Variants in SYPL1 observed in about 807,000 individuals in gnomAD.
The protein encoded by SYPL1 is synaptophysin like 1, also known as synaptophysin-like protein 1.
Under a neutral mutation model 23.7 loss-of-function variants are expected in SYPL1, and 6 were observed. The ratio of observed to expected loss-of-function variants is 0.25; its 90% CI spans 0.14 to 0.50. SYPL1 has a LOEUF of 0.50. SYPL1 is among the 20% of genes least tolerant of loss of function. SYPL1 has a pLI of 0.98. For missense variants in SYPL1, 253 were observed against 288.9 expected (o/e 0.88, Z 0.90); for synonymous variants, 102 against 104.5 (o/e 0.98, Z 0.15).
At position 106,097,563 on chromosome 7, in the gene SYPL1, C is replaced by G. The variant is rs188936528; in HGVS notation, c.402+127G>C. On this transcript the variant is annotated intron_variant, in intron 3 of 4. Coordinates refer to ENST00000455385, the MANE Select transcript of SYPL1 (RefSeq NM_182715.4). The surrounding 1 kb of genome is among the most constrained non-coding windows in gnomAD (Gnocchi z 4.6). ...AACTTAATGGGAGAAAGCTCAACCT[C>G]GTGGCAAACACAGGCTAAAATATGC... 2.3e-5 allele frequency: 18 copies of G among 781,084 alleles called. No homozygotes were observed. Among genetic ancestry groups the G allele is most frequent in the Non-Finnish European group, 3.4e-5 (18 of 527,718 alleles). 48.4% of individuals were successfully genotyped at this position (781,084 alleles called of 1,614,324 possible).
At position 106,091,293 on chromosome 7, in the gene SYPL1, A is replaced by G. The variant is rs1338359366; in HGVS notation, c.*512T>C. ...AATATACACCTAGTCTTTGCAATTAAAAAAAAATCATAACATAAACAATGT... is the reference window on the plus strand; with the variant it reads ...AATATACACCTAGTCTTTGCAATTAGAAAAAAATCATAACATAAACAATGT... On this transcript the variant is annotated 3_prime_UTR_variant, in exon 5 of 5. Coordinates refer to ENST00000455385, the MANE Select transcript of SYPL1 (RefSeq NM_182715.4). This position sits in a 1 kb window ranked among gnomAD's most constrained non-coding sequence, Gnocchi z 5.0. 1 of 152,318 alleles carries G rather than the reference A, an allele frequency of 6.6e-6. No individual in the cohort carries two copies. Among genetic ancestry groups the G allele is most frequent in the Non-Finnish European group, 1.5e-5 (1 of 67,984 alleles). 9.4% of individuals were successfully genotyped at this position (152,318 alleles called of 1,614,324 possible).
intron 1 of SYPL1, among the ~76,000 whole-genome samples, chr7:106,110,917 A>C (rs1240442306): frequency 2.0e-5 from 3 of 152,226 alleles, no homozygotes; most frequent in Non-Finnish European, 4.4e-5. Flanking sequence ...CTCGTTAATG[A>C]GATTTTCCTC....
rs570253818 is a variant in SYPL1 at position 106,104,724 on chromosome 7, T to C, written c.70-5442A>G. Among the ~76,000 whole-genome samples, 1 of 152,372 alleles carries C rather than the reference T, an allele frequency of 6.6e-6. No homozygotes were observed. The highest frequency in any genetic ancestry group is 2.4e-5 in the African/African-American group (1 of 41,586). On this transcript the variant is annotated intron_variant, in intron 1 of 4. Transcript: ENST00000455385. This position sits in a 1 kb window ranked among gnomAD's most constrained non-coding sequence, Gnocchi z 4.1. Reference sequence around the variant, plus strand: ...ATCATGACAGCAATTCTGGTCTTTATCTTATAGAAAGAAGGGACAAAAGCA... The same window carrying C: ...ATCATGACAGCAATTCTGGTCTTTACCTTATAGAAAGAAGGGACAAAAGCA...
Position 106,097,649 on chromosome 7 carries a change from A to G in SYPL1, c.402+41T>C. On this transcript the variant is annotated intron_variant, in intron 3 of 4. Transcript: ENST00000455385. The surrounding 1 kb of genome is among the most constrained non-coding windows in gnomAD (Gnocchi z 4.6). The stretch of plus-strand genomic sequence containing the variant: ...ATAAGAAAATCTATATTTAGCTTAT[A>G]CAAATTATTTTTGTATTTAAAAAAT... The G allele has an allele frequency of 6.6e-7, 1 of 1,516,304 alleles. No individual in the cohort carries two copies. The highest frequency in any genetic ancestry group is 8.9e-7 in the Non-Finnish European group (1 of 1,118,568). The allele number at this position is 1,516,304 out of a possible 1,614,324, so 93.9% of individuals were successfully genotyped here.
chr7:106,112,183 T>G lies in SYPL1; in HGVS notation c.26A>C (p.Asn9Thr). Residue 9 changes from asparagine to threonine, a missense_variant, in exon 1 of 5, where the codon AAC (asparagine) becomes ACC (threonine). Asn to Thr is a moderately conservative substitution (Grantham distance 65). Coordinates refer to ENST00000455385, the MANE Select transcript of SYPL1 (RefSeq NM_182715.4). MSGFQINL[N>T]PLKEPLGFIK... The stretch of plus-strand genomic sequence containing the variant: ...GAAGCCGAGTGGCTCCTTGAGCGGG[T>G]TGAGGTTGATCTGGAAGCCGGACAT... The G allele has an allele frequency of 1.3e-6, 2 of 1,541,202 alleles. No individual in the cohort carries two copies. The highest frequency in any genetic ancestry group is 1.8e-6 in the Non-Finnish European group (2 of 1,136,436).
At position 106,099,182 on chromosome 7, in the gene SYPL1, G is replaced by A. The variant is rs767856183; in HGVS notation, c.170C>T (p.Thr57Ile). The A allele has an allele frequency of 5.0e-6, 8 of 1,613,246 alleles. No homozygotes were observed. The highest frequency in any genetic ancestry group is 6.8e-6 in the Non-Finnish European group (8 of 1,179,770). ...PPAVTENKTV[T>I]ATFGYPFRLN... ...CCTGAATGGATAACCAAAAGTAGCT[G>A]TAACAGTTTTATTCTCAGTAACTGC... Residue 57 changes from threonine to isoleucine, a missense_variant, in exon 2 of 5, where the codon ACA (threonine) becomes ATA (isoleucine). Transcript: ENST00000455385.
chr7:106,099,170 C>A lies in SYPL1; in HGVS notation c.182G>T (p.Gly61Val). 6.2e-7 allele frequency: 1 copy of A among 1,610,522 alleles called. No homozygotes were observed. The highest frequency in any genetic ancestry group is 8.5e-7 in the Non-Finnish European group (1 of 1,179,130). The change falls in exon 2 of 5, where the codon GGT becomes GTT. Residue 61 changes from glycine (G) to valine (V), a missense_variant. Coordinates refer to ENST00000455385, the MANE Select transcript of SYPL1 (RefSeq NM_182715.4). Reference sequence around the variant, plus strand: ...AAATATAACTCACCTGAATGGATAACCAAAAGTAGCTGTAACAGTTTTATT... The same window carrying A: ...AAATATAACTCACCTGAATGGATAAACAAAAGTAGCTGTAACAGTTTTATT... Reference protein sequence around the residue: ...TENKTVTATFGYPFRLNEASF... With the variant: ...TENKTVTATFVYPFRLNEASF...
chr7:106,103,996 A>G (rs1486984560), intron 1 of SYPL1, among the ~76,000 whole-genome samples: 1 of 152,238 alleles, frequency 6.6e-6, no homozygotes, highest in Admixed American at 6.5e-5. Context: ...TCTGCAGTCT[A>G]TTCACTGCCA....
Position 106,096,852 on chromosome 7 carries a change from G to A in SYPL1, c.402+838C>T, listed in dbSNP as rs1163070013. On this transcript the variant is annotated intron_variant, in intron 3 of 4. Transcript: ENST00000455385. This position sits in a 1 kb window ranked among gnomAD's most constrained non-coding sequence, Gnocchi z 4.4. The stretch of plus-strand genomic sequence containing the variant: ...GTTACAACTACTCAACTTTACCATT[G>A]CAGTGTGAAAGCAGCCATAGGCAAT... Among the ~76,000 whole-genome samples, 1 of 152,152 alleles carries A rather than the reference G, an allele frequency of 6.6e-6. No individual in the cohort carries two copies. Among genetic ancestry groups the A allele is most frequent in the Non-Finnish European group, 1.5e-5 (1 of 68,034 alleles).
intron 3 of SYPL1, among the ~76,000 whole-genome samples, chr7:106,094,996 G>A (rs1839946886): frequency 6.6e-6 from 1 of 152,164 alleles, no homozygotes; most frequent in African/African-American, 2.4e-5. Flanking sequence ...GCTCTGCAAT[G>A]CACAACCTGC....
At chr7:106,110,462 T>C (rs1201074248) in intron 1 of SYPL1, among the ~76,000 whole-genome samples, 4 of 152,222 alleles carry the variant, frequency 2.6e-5, no homozygotes, top group Non-Finnish European at 4.4e-5. Context: ...CATGGCATTT[T>C]TGTATTTTGT....
rs73719040 is a variant in SYPL1, at chr7:106,099,047, C to T, written c.194+111G>A. On this transcript the variant is annotated intron_variant, in intron 2 of 4. Transcript: ENST00000455385. ...GAGGTAATGATCACTTACAAATGAGCATACAGTCTAAAATTTTCTACCCCC... is the reference window on the plus strand; with the variant it reads ...GAGGTAATGATCACTTACAAATGAGTATACAGTCTAAAATTTTCTACCCCC... 2.3e-3 allele frequency: 3,047 copies of T among 1,329,286 alleles called. 58 individuals are homozygous for T. The African/African-American group carries it at 0.041, about 18-fold the overall frequency. 82.3% of individuals were successfully genotyped at this position (1,329,286 alleles called of 1,614,324 possible). A position where few individuals can be genotyped will look rare whatever the true frequency, so the allele number is the denominator to read the frequency against.
chr7:106,110,007 G>A (rs1296399754), intron 1 of SYPL1, among the ~76,000 whole-genome samples: 1 of 152,232 alleles, frequency 6.6e-6, no homozygotes, highest in Non-Finnish European at 1.5e-5. Context: ...AAAATTAGTC[G>A]TATCATTGAC....
intron 3 of SYPL1, among the ~76,000 whole-genome samples, chr7:106,094,781 C>CT (rs562783166): frequency 1.2e-4 from 18 of 151,088 alleles, no homozygotes; most frequent in Non-Finnish European, 1.6e-4. Context: ...CTTCCAAAGT[C>CT]TTTTTTTTTC....
intron 1 of SYPL1, among the ~76,000 whole-genome samples, chr7:106,102,325 A>C (rs910251557): frequency 6.6e-6 from 1 of 152,104 alleles, no homozygotes; most frequent in Non-Finnish European, 1.5e-5. Flanking sequence ...CGAGCTCCTG[A>C]CCTCCGGTGA....
rs1381737051 is a variant in SYPL1, at chr7:106,112,303, G to T, written c.-95C>A. On this transcript the variant is annotated 5_prime_UTR_variant, in exon 1 of 5. Coordinates refer to ENST00000455385, the MANE Select transcript of SYPL1 (RefSeq NM_182715.4). The stretch of plus-strand genomic sequence containing the variant: ...GCCCGGTGGCGAGGAAGGGCAGGCG[G>T]GGCTGGCGCGCTGGCCGGGCTCGGA... 5.2e-6 allele frequency: 7 copies of T among 1,353,344 alleles called. No individual in the cohort carries two copies. The African/African-American group carries it at 1.0e-4, about 20-fold the overall frequency. 83.8% of individuals were successfully genotyped at this position (1,353,344 alleles called of 1,614,324 possible). A position where few individuals can be genotyped will look rare whatever the true frequency, so the allele number is the denominator to read the frequency against.
Position 106,091,605 on chromosome 7 carries a change from A to AAAT in SYPL1, c.*197_*199dup, listed in dbSNP as rs1251137994. ...TTTCATAATAGACCCCTGAACTTTC[A>AAAT]AATTTACATGTGAGAATACATTTAC... On this transcript the variant is annotated 3_prime_UTR_variant, in exon 5 of 5. Coordinates refer to ENST00000455385, the MANE Select transcript of SYPL1 (RefSeq NM_182715.4). The surrounding 1 kb of genome is among the most constrained non-coding windows in gnomAD (Gnocchi z 5.0). 5.9e-6 allele frequency: 3 copies of AAAT among 505,242 alleles called. No individual in the cohort carries two copies. Among genetic ancestry groups the AAAT allele is most frequent in the African/African-American group, 2.0e-5 (1 of 51,174 alleles). 31.3% of individuals were successfully genotyped at this position (505,242 alleles called of 1,614,324 possible).
At chr7:106,094,534 A>G (rs1488721973) in intron 3 of SYPL1, among the ~76,000 whole-genome samples, 2 of 152,214 alleles carry the variant, frequency 1.3e-5, no homozygotes, top group Admixed American at 6.5e-5. Flanking sequence ...AAGGCTAGAA[A>G]TATAGCTTAT....
At position 106,100,808 on chromosome 7, in the gene SYPL1, T is replaced by C. The variant is rs1302150371; in HGVS notation, c.70-1526A>G. Among the ~76,000 whole-genome samples the C allele has an allele frequency of 6.6e-6, 1 of 152,182 alleles. No individual in the cohort carries two copies. Among genetic ancestry groups the C allele is most frequent in the African/African-American group, 2.4e-5 (1 of 41,446 alleles). On this transcript the variant is annotated intron_variant, in intron 1 of 4. Transcript: ENST00000455385. The surrounding 1 kb of genome is among the most constrained non-coding windows in gnomAD (Gnocchi z 5.1). Reference sequence around the variant, plus strand: ...TAAAAATGTAAGGCAGAAAATGTTATCCTTTGCTCAAAACCCTCCAATGGC... The same window carrying C: ...TAAAAATGTAAGGCAGAAAATGTTACCCTTTGCTCAAAACCCTCCAATGGC...
Sources: allele counts gnomAD v4.1 joint callset (sites outside exome capture counted in the v4.1 genomes callset), GRCh38; gene constraint gnomAD v4.1.1; non-coding constraint Gnocchi (gnomAD v3.1); transcripts MANE v1.5; gene names NCBI Gene and HGNC (gene_info 2026-07-23, HGNC 2026-07-21).